The following PCDHA7 variants were observed in gnomAD, a reference collection of about 807,000 sequenced individuals.
PCDHA7 encodes protocadherin alpha 7, also known as protocadherin alpha-7.
Under a neutral mutation model 57.2 loss-of-function variants are expected in PCDHA7, and 37 were observed. The observed-to-expected ratio is 0.65, with a 90% CI of 0.50 to 0.85. The LOEUF (loss-of-function observed/expected upper bound fraction) is 0.85, where lower values mean the gene tolerates loss of function less well. Among genes scored for constraint, PCDHA7 ranks in the 40% least tolerant of loss-of-function variants. The pLI, the probability that PCDHA7 is intolerant of heterozygous loss-of-function variation, is 0.00. For synonymous variants in PCDHA7, 553 were observed against 558.8 expected, an observed-to-expected ratio of 0.99 and a Z score of 0.15; for missense variants, 1,188 against 1,241.8, an observed-to-expected ratio of 0.96 and a Z score of 0.65.
chr5:141,001,448 G>A (rs1465333650), intron 3 of PCDHA7, among the ~76,000 whole-genome samples: 1 of 152,190 alleles, frequency 6.6e-6, no homozygotes, highest in Non-Finnish European at 1.5e-5. Context: ...TCTTTCCACT[G>A]TCAATTGAAG....
Position 140,858,184 on chromosome 5 carries a change from G to T in PCDHA7, c.2355+21446G>T, listed in dbSNP as rs782618700. The T allele has an allele frequency of 3.1e-6, 5 of 1,597,468 alleles. 1 individual carries two copies. In the South Asian group the frequency reaches 4.4e-5, roughly 14 times the overall value. Reference sequence around the variant, plus strand: ...CGGTGTCCAGCTTGCTGGTGCTCACGCTGCTGCTGTACACTGCACTGAGGT... The same window carrying T: ...CGGTGTCCAGCTTGCTGGTGCTCACTCTGCTGCTGTACACTGCACTGAGGT... On this transcript the variant is annotated intron_variant, in intron 1 of 3. Transcript: ENST00000525929.
chr5:140,926,823 G>A (rs1454618329), intron 1 of PCDHA7: 2 of 1,496,880 alleles, frequency 1.3e-6, no homozygotes, highest in Non-Finnish European at 1.8e-6. Flanking sequence ...TGCTCTCCAG[G>A]AGTCCGGAGC....
chr5:140,969,210 C>T, intron 1 of PCDHA7: 10 of 1,614,184 alleles, frequency 6.2e-6, no homozygotes, highest in Non-Finnish European at 8.5e-6. Flanking sequence ...GGGGCCCAGA[C>T]AGGACCAGGG....
intron 1 of PCDHA7, chr5:140,871,442 A>C: frequency 6.2e-7 from 1 of 1,611,276 alleles, no homozygotes; most frequent in African/African-American, 1.3e-5. Flanking sequence ...CTAGGTCTGA[A>C]TAAAGAGGAG....
intron 1 of PCDHA7, chr5:140,877,068 G>T: frequency 6.2e-7 from 1 of 1,613,122 alleles, no homozygotes; most frequent in African/African-American, 1.3e-5. Context: ...AGCTGCTGCA[G>T]TTCCAGGTGA....
At chr5:140,843,219 C>T (rs1554139873) in intron 1 of PCDHA7, 1 of 1,596,090 alleles carries the variant, frequency 6.3e-7, no homozygotes, top group East Asian at 2.2e-5. Context: ...GAGATCAGCA[C>T]CACTCGTGTC....
chr5:140,968,994 G>A lies in PCDHA7; in HGVS notation c.2356-9955G>A. 6.2e-7 allele frequency: 1 copy of A among 1,614,216 alleles called. No individual in the cohort carries two copies. The highest frequency in any genetic ancestry group is 8.5e-7 in the Non-Finnish European group (1 of 1,180,038). On this transcript the variant is annotated intron_variant, in intron 1 of 3. Transcript: ENST00000525929. ...ACTGCGTATGGCACTGCATGCTGTG[G>A]AGGCTTCTGTGGAGTAAGGGAAAGG...
In PCDHA7 at chr5:140,852,586, T is replaced by TTA. The variant is rs1554145914; in HGVS notation, c.2355+15849_2355+15850insAT. On this transcript the variant is annotated intron_variant, in intron 1 of 3. Transcript: ENST00000525929. ...CCACTGTGCCAAGGCTTTTTTATTTTTTTTTTTTGTCATTTTCTTTCAAAA... is the reference window on the plus strand; with the variant it reads ...CCACTGTGCCAAGGCTTTTTTATTTTTATTTTTTTTGTCATTTTCTTTCAAAA... 25 of 878,568 alleles carry TTA rather than the reference T, an allele frequency of 2.8e-5. 1 individual carries two copies. The highest frequency in any genetic ancestry group is 1.3e-4 in the Admixed American group (2 of 15,686). 54.4% of individuals were successfully genotyped at this position (878,568 alleles called of 1,614,324 possible).
At chr5:140,977,141 C>T (rs1264237183) in intron 1 of PCDHA7, among the ~76,000 whole-genome samples, 1 of 152,204 alleles carries the variant, frequency 6.6e-6, no homozygotes, top group Non-Finnish European at 1.5e-5. Flanking sequence ...GTCAGTCCTG[C>T]TGGAACTGTG....
chr5:140,986,385 T>C (rs1554247992), intron 3 of PCDHA7, among the ~76,000 whole-genome samples: 2 of 152,134 alleles, frequency 1.3e-5, no homozygotes, highest in Non-Finnish European at 1.5e-5. Context: ...GGAGGGACAT[T>C]AAAGGGCCAG....
Position 140,862,133 on chromosome 5 carries a change from T to C in PCDHA7, c.2355+25395T>C, listed in dbSNP as rs188346525. ...GTGGATAAATAAATGTAAAGATAGGTTTTGAGGAAACTAAATAATGAAAGA... is the reference window on the plus strand; with the variant it reads ...GTGGATAAATAAATGTAAAGATAGGCTTTGAGGAAACTAAATAATGAAAGA... On this transcript the variant is annotated intron_variant, in intron 1 of 3. Transcript: ENST00000525929. The C allele has an allele frequency of 2.2e-3, 352 of 163,204 alleles. 2 individuals carry two copies. Among genetic ancestry groups the C allele is most frequent in the South Asian group, 2.0e-3 (12 of 5,916 alleles). The allele number at this position is 163,204 out of a possible 1,614,324, so 10.1% of individuals were successfully genotyped here.
intron 1 of PCDHA7, among the ~76,000 whole-genome samples, chr5:140,952,279 T>C (rs1222400527): frequency 6.7e-6 from 1 of 149,858 alleles, no homozygotes; most frequent in Non-Finnish European, 1.5e-5. Flanking sequence ...TTGAGGGTGG[T>C]GGCCCTCTTC....
chr5:140,918,423 G>A (rs1450010103), intron 1 of PCDHA7, among the ~76,000 whole-genome samples: 2 of 152,076 alleles, frequency 1.3e-5, no homozygotes, highest in Admixed American at 1.3e-4. Context: ...CTTCCAGTAG[G>A]ATGTTGAATA....
intron 1 of PCDHA7, chr5:140,884,069 T>A (rs2059977023): frequency 6.2e-7 from 1 of 1,613,394 alleles, no homozygotes; most frequent in Non-Finnish European, 8.5e-7. Flanking sequence ...GGACGCCGAT[T>A]CGGGCTACAA....
intron 1 of PCDHA7, among the ~76,000 whole-genome samples, chr5:140,940,084 A>G (rs1320170233): frequency 1.3e-5 from 2 of 152,202 alleles, no homozygotes; most frequent in East Asian, 3.8e-4. Context: ...TCTTTCTGCT[A>G]AATTGAAACT....
At chr5:140,955,847 T>C (rs2095231839) in intron 1 of PCDHA7, among the ~76,000 whole-genome samples, 2 of 152,216 alleles carry the variant, frequency 1.3e-5, no homozygotes, top group Non-Finnish European at 2.9e-5. Context: ...TCATTCTCCT[T>C]GAAGAGGTCC....
At chr5:140,841,400 G>C (rs1777194245) in intron 1 of PCDHA7, 1 of 1,613,096 alleles carries the variant, frequency 6.2e-7, no homozygotes, top group Admixed American at 1.7e-5. Context: ...CTGGAAGGTG[G>C]GGAGCGGCCA....
chr5:140,897,214 G>A (rs1355389573), intron 1 of PCDHA7, among the ~76,000 whole-genome samples: 1 of 151,764 alleles, frequency 6.6e-6, no homozygotes, highest in Non-Finnish European at 1.5e-5. Flanking sequence ...TTAAGTTTTA[G>A]GGTACATGTG....
At chr5:140,875,772 G>A (rs781933974) in intron 1 of PCDHA7, 37 of 1,614,136 alleles carry the variant, frequency 2.3e-5, no homozygotes, top group South Asian at 3.3e-5. Flanking sequence ...GGCGGAGCGC[G>A]GAGTGCAGTA....
Sources: gnomAD v4.1 joint callset for allele counts (sites outside exome capture counted in the v4.1 genomes callset) on GRCh38, gnomAD v4.1.1 for gene constraint, MANE v1.5 for transcripts, NCBI Gene and HGNC (gene_info 2026-07-23, HGNC 2026-07-21) for gene names.